Variants in ENKUR observed in about 807,000 individuals in gnomAD.
ENKUR encodes enkurin.
In ENKUR, 19 loss-of-function variants were observed where a neutral mutation model predicts 27.6. That is an observed-to-expected ratio of 0.69 (90% CI 0.48 to 1.01). The LOEUF is 1.01. Among genes scored for constraint, ENKUR ranks in the 50% least tolerant of loss-of-function variants. ENKUR has a pLI of 0.00. For synonymous variants in ENKUR, 117 were observed against 96.9 expected, an observed-to-expected ratio of 1.21 and a Z score of -1.22; for missense variants, 312 against 310.5, an observed-to-expected ratio of 1.00 and a Z score of -0.04.
At chr10:25,007,584 G>C (rs1021171764) in intron 1 of ENKUR, among the ~76,000 whole-genome samples, 1 of 151,992 alleles carries the variant, frequency 6.6e-6, no homozygotes, top group African/African-American at 2.4e-5. Flanking sequence ...ACAGGCGCCC[G>C]CCACCACACC....
chr10:24,985,100 A>C (rs749142069), intron 4 of ENKUR, among the ~76,000 whole-genome samples, 195 bp from the exon 5 acceptor site: 9 of 152,150 alleles, frequency 5.9e-5, no homozygotes, highest in Non-Finnish European at 1.3e-4. Context: ...CCCATCCTTG[A>C]CTGTGTGCTC....
chr10:25,010,333 G>A (rs1850411670), intron 1 of ENKUR, among the ~76,000 whole-genome samples: 1 of 152,170 alleles, frequency 6.6e-6, no homozygotes, highest in African/African-American at 2.4e-5. Flanking sequence ...CCGGGCATCT[G>A]ATGGAAGAAA....
intron 4 of ENKUR, among the ~76,000 whole-genome samples, chr10:24,987,120 C>T (rs948575144): frequency 4.6e-5 from 7 of 152,186 alleles, no homozygotes; most frequent in African/African-American, 1.7e-4. Flanking sequence ...GGGCATTTCT[C>T]CTCCTCTCCT....
intron 2 of ENKUR, among the ~76,000 whole-genome samples, chr10:25,037,670 T>G (rs1851023018): frequency 6.6e-6 from 1 of 152,192 alleles, no homozygotes; most frequent in African/African-American, 2.4e-5. Context: ...TTTGCTCTTC[T>G]TTCCTTTTGT....
chr10:25,027,025 T>C (rs1194201868), intron 2 of ENKUR, among the ~76,000 whole-genome samples: 1 of 152,116 alleles, frequency 6.6e-6, no homozygotes, highest in Admixed American at 6.5e-5. Context: ...AGATGATATA[T>C]TTAGAAACTG....
upstream of ENKUR, among the ~76,000 whole-genome samples, chr10:25,020,902 T>G (rs1850706426): frequency 6.6e-6 from 1 of 152,182 alleles, no homozygotes; most frequent in Non-Finnish European, 1.5e-5. Flanking sequence ...TCAGACTGTT[T>G]TATGTAAGTG....
chr10:25,043,795 C>A (rs1477887424), intron 2 of ENKUR, among the ~76,000 whole-genome samples: 1 of 151,872 alleles, frequency 6.6e-6, no homozygotes, highest in Non-Finnish European at 1.5e-5. Context: ...TTCCTTTGAG[C>A]TCCAATTTAG....
chr10:25,016,244 A>C, upstream of ENKUR: 1 of 1,009,754 alleles, frequency 9.9e-7, no homozygotes, highest in South Asian at 4.7e-5. Context: ...CTCTTTCTGC[A>C]GCGCCTTCTG....
chr10:25,002,541 A>G (rs2132701846), intron 1 of ENKUR, among the ~76,000 whole-genome samples: 1 of 151,396 alleles, frequency 6.6e-6, no homozygotes, highest in South Asian at 2.1e-4. Flanking sequence ...ATAGATGACC[A>G]CTCTATGTTG....
chr10:25,051,656 C>T (rs1335182307), intron 2 of ENKUR, among the ~76,000 whole-genome samples: 1 of 152,212 alleles, frequency 6.6e-6, no homozygotes, highest in South Asian at 2.1e-4. Context: ...GCAATCCACC[C>T]CCATGACCCA....
At chr10:25,053,864 A>G (rs1851216000) in intron 2 of ENKUR, among the ~76,000 whole-genome samples, 1 of 152,188 alleles carries the variant, frequency 6.6e-6, no homozygotes, top group South Asian at 2.1e-4. Flanking sequence ...AAAAATACTC[A>G]TGCACCTACC....
chr10:25,042,228 T>C (rs1851071932), intron 2 of ENKUR, among the ~76,000 whole-genome samples: 1 of 151,432 alleles, frequency 6.6e-6, no homozygotes, highest in Non-Finnish European at 1.5e-5. Flanking sequence ...TAAAGCTAGA[T>C]GAACAGCATA....
chr10:25,027,709 A>G (rs530169412), intron 2 of ENKUR, among the ~76,000 whole-genome samples: 2 of 151,990 alleles, frequency 1.3e-5, no homozygotes, highest in African/African-American at 4.8e-5. Context: ...GTGAAACCCC[A>G]TCTCTACAAA....
chr10:25,025,816 GTAAC>G (rs1187525725), intron 2 of ENKUR: 1 of 195,304 alleles, frequency 5.1e-6, no homozygotes, highest in Non-Finnish European at 1.2e-5. Flanking sequence ...TACTACATCT[GTAAC>G]TAGTGAATAC....
At chr10:24,987,966 A>G (rs1313573471) in intron 4 of ENKUR, among the ~76,000 whole-genome samples, 1 of 152,040 alleles carries the variant, frequency 6.6e-6, no homozygotes, top group Non-Finnish European at 1.5e-5. Context: ...CACGCCTGTA[A>G]TCCTAGCACT....
At chr10:25,046,077 G>A (rs563969700) in intron 2 of ENKUR, among the ~76,000 whole-genome samples, 2 of 152,198 alleles carry the variant, frequency 1.3e-5, no homozygotes, top group African/African-American at 4.8e-5. Flanking sequence ...AATGGTAACA[G>A]GATTGAAAGA....
chr10:25,024,745 A>C (rs139687729), intron 2 of ENKUR: 3 of 1,614,180 alleles, frequency 1.9e-6, no homozygotes, highest in Non-Finnish European at 2.5e-6. Flanking sequence ...CTGTATTCCC[A>C]CAGGAAACTT....
At chr10:25,040,996 T>C (rs1290989308) in intron 2 of ENKUR, among the ~76,000 whole-genome samples, 1 of 152,226 alleles carries the variant, frequency 6.6e-6, no homozygotes, top group Non-Finnish European at 1.5e-5. Flanking sequence ...CTAGTATTTA[T>C]ATAGGTACAC....
intron 2 of ENKUR, among the ~76,000 whole-genome samples, chr10:25,040,563 G>A: frequency 2.2e-5 from 1 of 45,596 alleles, no homozygotes; most frequent in Non-Finnish European, 3.7e-5. Context: ...CAGTAGAAAC[G>A]GTTTCACCGT....
Sources: gnomAD v4.1 joint callset for allele counts (sites outside exome capture counted in the v4.1 genomes callset) on GRCh38, gnomAD v4.1.1 for gene constraint, MANE v1.5 for transcripts, NCBI Gene and HGNC (gene_info 2026-07-23, HGNC 2026-07-21) for gene names.